FAT3: variants seen among roughly 807,000 people sequenced by gnomAD.
The protein encoded by FAT3 is FAT atypical cadherin 3.
In FAT3, 95 loss-of-function variants were observed where a neutral mutation model predicts 310.2. The observed-to-expected ratio is 0.31, with a 90% CI of 0.26 to 0.36. The LOEUF is 0.36. Ranked by LOEUF, FAT3 falls within the 10% of genes least tolerant of loss-of-function variation. The pLI is 1.00. For missense variants in FAT3, 5,408 were observed against 5,715.6 expected, an observed-to-expected ratio of 0.95 and a Z score of 1.74; for synonymous variants, 2,314 against 2,192.9, an observed-to-expected ratio of 1.06 and a Z score of -1.54.
intron 1 of FAT3, among the ~76,000 whole-genome samples, chr11:92,302,754 A>C (rs1565212246): frequency 6.6e-6 from 1 of 152,156 alleles, no homozygotes; most frequent in African/African-American, 2.4e-5. Flanking sequence ...TAATCATTTA[A>C]CAATTGTATG....
At chr11:92,348,242 A>G (rs1370947367) in intron 1 of FAT3, among the ~76,000 whole-genome samples, 1 of 152,072 alleles carries the variant, frequency 6.6e-6, no homozygotes, top group Non-Finnish European at 1.5e-5. Flanking sequence ...TTTTGGTGGT[A>G]GGTCTGAATT....
chr11:92,821,888 G>A (rs993044268), intron 13 of FAT3, among the ~76,000 whole-genome samples: 17 of 152,158 alleles, frequency 1.1e-4, no homozygotes, highest in Non-Finnish European at 2.4e-4. Context: ...GCAGGGCCAT[G>A]ACACTCTACG....
At chr11:92,254,968 A>G (rs1865259331) in intron 1 of FAT3, among the ~76,000 whole-genome samples, 1 of 152,178 alleles carries the variant, frequency 6.6e-6, no homozygotes, top group Admixed American at 6.5e-5. Context: ...GGCCTCCCAA[A>G]GTGCTGGGAT....
chr11:92,558,402 A>ATGTG lies in FAT3; in HGVS notation c.3607+33472_3607+33475dup, dbSNP rs58362077. Among the ~76,000 whole-genome samples, 675 of 150,112 alleles carry ATGTG rather than the reference A, an allele frequency of 4.5e-3. 7 individuals carry two copies. The highest frequency in any genetic ancestry group is 0.016 in the East Asian group (82 of 5,030). On this transcript the variant is annotated intron_variant, in intron 3 of 27. Coordinates refer to ENST00000525166, the MANE Select transcript of FAT3 (RefSeq NM_001367949.2). The stretch of plus-strand genomic sequence containing the variant: ...ATTCATATGTGCACGTGTTGTGTTT[A>ATGTG]TGTGTGTGTGTGTGTGTGTGTATGC...
intron 3 of FAT3, among the ~76,000 whole-genome samples, chr11:92,647,452 C>T (rs1942207579): frequency 6.6e-6 from 1 of 152,068 alleles, no homozygotes; most frequent in South Asian, 2.1e-4. Flanking sequence ...AGAGTCTAGT[C>T]ATAACTGGAA....
intron 2 of FAT3, among the ~76,000 whole-genome samples, chr11:92,462,747 C>T (rs937637115): frequency 6.6e-6 from 1 of 152,190 alleles, no homozygotes; most frequent in South Asian, 2.1e-4. Context: ...ATTTCAACAA[C>T]TTGTTCAGTG....
chr11:92,774,942 A>G (rs1230475949), intron 7 of FAT3, among the ~76,000 whole-genome samples: 1 of 152,220 alleles, frequency 6.6e-6, no homozygotes, highest in African/African-American at 2.4e-5. Flanking sequence ...ACAATGTTAG[A>G]TAACAATATG....
chr11:92,884,409 CCTGCT>C (rs774201410), intron 24 of FAT3, among the ~76,000 whole-genome samples: 18 of 152,128 alleles, frequency 1.2e-4, no homozygotes, highest in Non-Finnish European at 2.1e-4. Context: ...GATTGTTTTC[CCTGCT>C]GTAGTGTCCA....
intron 1 of FAT3, among the ~76,000 whole-genome samples, chr11:92,241,686 T>A (rs1196679288): frequency 4.6e-5 from 7 of 152,094 alleles, no homozygotes; most frequent in Non-Finnish European, 1.0e-4. Context: ...GAATACAGAA[T>A]GTTGCTGGTG....
Position 92,800,522 on chromosome 11 carries a change from T to C in FAT3, c.7509T>C (p.Ala2503=), listed in dbSNP as rs781479627. The C allele has an allele frequency of 1.2e-6, 2 of 1,613,924 alleles. No homozygotes were observed. The highest frequency in any genetic ancestry group is 2.7e-5 in the African/African-American group (2 of 75,042). ...CCTTTTCACAAAGCACATACGTAGC[T>C]GAGGTGAGAGAGAACGTGGCTGCAG... is the stretch of plus-strand genomic sequence containing the variant. The part of the protein sequence containing the change: ...SPAFSQSTYV[A]EVRENVAAGT... Residue 2503 remains alanine (A), a synonymous_variant, in exon 10 of 28, where the codon GCT becomes GCC. Transcript: ENST00000525166.
intron 23 of FAT3, among the ~76,000 whole-genome samples, chr11:92,881,926 A>G (rs1949677594): frequency 6.6e-6 from 1 of 152,194 alleles, no homozygotes; most frequent in Non-Finnish European, 1.5e-5. Context: ...CAGAATGTTG[A>G]AGACATGTAG....
intron 3 of FAT3, among the ~76,000 whole-genome samples, chr11:92,668,484 AAGAG>A (rs1379308180): frequency 6.6e-6 from 1 of 152,184 alleles, no homozygotes; most frequent in Non-Finnish European, 1.5e-5. Context: ...TCTTAGTAGA[AAGAG>A]AGATTGCCAT....
At chr11:92,355,857 A>G (rs1402766937) in intron 2 of FAT3, among the ~76,000 whole-genome samples, 1 of 152,190 alleles carries the variant, frequency 6.6e-6, no homozygotes, top group African/African-American at 2.4e-5. Context: ...GTGATATTGC[A>G]TTAGTTGCTT....
intron 2 of FAT3, among the ~76,000 whole-genome samples, chr11:92,418,491 ACT>A (rs1254798285): frequency 7.9e-6 from 1 of 127,388 alleles, no homozygotes; most frequent in African/African-American, 3.0e-5. Flanking sequence ...CATCGATTAG[ACT>A]CTGTGCCTTG....
At chr11:92,621,922 G>T (rs942287620) in intron 3 of FAT3, among the ~76,000 whole-genome samples, 1 of 152,148 alleles carries the variant, frequency 6.6e-6, no homozygotes, top group Non-Finnish European at 1.5e-5. Context: ...GCTGTAGATA[G>T]TGGCTCAGGA....
rs1565296365 is a variant in FAT3 at position 92,412,732 on chromosome 11, T to TATACAC, written c.3292+57331_3292+57332insCACATA. Among the ~76,000 whole-genome samples the TATACAC allele has an allele frequency of 4.3e-3, 77 of 17,950 alleles. 9 individuals carry two copies. In the East Asian group the frequency reaches 0.045, roughly 11 times the overall value. 11.8% of individuals were successfully genotyped at this position (17,950 alleles called of 152,430 possible). A position where few individuals can be genotyped will look rare whatever the true frequency, so the allele number is the denominator to read the frequency against. The stretch of plus-strand genomic sequence containing the variant: ...ATATATATATATATATATATATATA[T>TATACAC]ATATATATATATAAATATACATACA... On this transcript the variant is annotated intron_variant, in intron 2 of 27. Coordinates refer to ENST00000525166, the MANE Select transcript of FAT3 (RefSeq NM_001367949.2).
intron 3 of FAT3, among the ~76,000 whole-genome samples, chr11:92,623,462 C>T (rs999310005): frequency 2.0e-5 from 3 of 152,120 alleles, no homozygotes; most frequent in Non-Finnish European, 4.4e-5. Context: ...GTTAGATTAG[C>T]GGAGGATATG....
intron 7 of FAT3, among the ~76,000 whole-genome samples, chr11:92,778,392 G>C (rs1296492398): frequency 2.0e-5 from 3 of 152,106 alleles, no homozygotes; most frequent in Non-Finnish European, 4.4e-5. Flanking sequence ...CATTTCCCTG[G>C]ACTAAAGAAT....
At chr11:92,760,928 G>T (rs546346599) in intron 4 of FAT3, among the ~76,000 whole-genome samples, 29 of 152,152 alleles carry the variant, frequency 1.9e-4, no homozygotes, top group Non-Finnish European at 3.1e-4. Context: ...GGAGAGAGGT[G>T]TACATCCCCC....
Sources: gnomAD v4.1 joint callset for allele counts (sites outside exome capture counted in the v4.1 genomes callset) on GRCh38, gnomAD v4.1.1 for gene constraint, MANE v1.5 for transcripts, NCBI Gene and HGNC (gene_info 2026-07-23, HGNC 2026-07-21) for gene names.